Variants in ABTB3 observed in about 807,000 individuals in gnomAD.
ABTB3 encodes ankyrin repeat- and BTB/POZ domain-containing protein 3.
chr12:107,502,672 G>A, the ABTB3 span, among the ~76,000 whole-genome samples: 8 of 152,122 alleles, frequency 5.3e-5, no homozygotes, highest in Non-Finnish European at 7.4e-5. Flanking sequence ...AGCAGCGGGC[G>A]AGCGAGCATT....
chr12:107,562,791 A>C, the ABTB3 span, among the ~76,000 whole-genome samples: 1 of 152,330 alleles, frequency 6.6e-6, no homozygotes, highest in African/African-American at 2.4e-5. Flanking sequence ...TAGGAACAGT[A>C]CCATTTAGCA....
At chr12:107,641,877 A>T in the ABTB3 span, among the ~76,000 whole-genome samples, 1 of 152,236 alleles carries the variant, frequency 6.6e-6, no homozygotes, top group Non-Finnish European at 1.5e-5. Context: ...AATTGTTGAA[A>T]ACACTGTTTT....
chr12:107,419,060 T>C, the ABTB3 span, among the ~76,000 whole-genome samples: 3,869 of 152,318 alleles, frequency 0.025, 130 homozygotes, highest in African/African-American at 0.081. Flanking sequence ...TGCTTGCTCT[T>C]GGAGACAGAC....
the ABTB3 span, among the ~76,000 whole-genome samples, chr12:107,608,069 G>A: frequency 5.8e-4 from 89 of 152,308 alleles, 1 homozygote; most frequent in African/African-American, 1.9e-3. Context: ...CAGCAAGCAG[G>A]GGGAGTGTGA....
chr12:107,610,450 G>A, the ABTB3 span: 4 of 1,436,678 alleles, frequency 2.8e-6, no homozygotes, highest in South Asian at 3.8e-5. Flanking sequence ...CTCTGCAGGC[G>A]CTGGGCAGAG....
At chr12:107,431,308 G>A in the ABTB3 span, among the ~76,000 whole-genome samples, 2 of 152,150 alleles carry the variant, frequency 1.3e-5, no homozygotes, top group Non-Finnish European at 2.9e-5. Context: ...TACATAGTAG[G>A]TACTTTAAAA....
At chr12:107,516,600 C>T in the ABTB3 span, among the ~76,000 whole-genome samples, 1 of 152,318 alleles carries the variant, frequency 6.6e-6, no homozygotes, top group Admixed American at 6.5e-5. Flanking sequence ...CCCGTTGTCT[C>T]ACCCTCTGTT....
chr12:107,631,311 G>A, the ABTB3 span, among the ~76,000 whole-genome samples: 3 of 152,196 alleles, frequency 2.0e-5, no homozygotes, highest in Admixed American at 6.5e-5. Flanking sequence ...ATAGTAGTCC[G>A]TGGTGTATAT....
chr12:107,354,627 T>A, the ABTB3 span, among the ~76,000 whole-genome samples: 1 of 152,214 alleles, frequency 6.6e-6, no homozygotes, highest in East Asian at 1.9e-4. Flanking sequence ...GGATGTACCA[T>A]GTTTTGTTTA....
At chr12:107,421,289 A>C in the ABTB3 span, among the ~76,000 whole-genome samples, 1 of 152,178 alleles carries the variant, frequency 6.6e-6, no homozygotes, top group African/African-American at 2.4e-5. Flanking sequence ...GTAAAGAAAA[A>C]GGAGAGATCT....
chr12:107,452,083 T>C, the ABTB3 span, among the ~76,000 whole-genome samples: 1 of 152,206 alleles, frequency 6.6e-6, no homozygotes, highest in Non-Finnish European at 1.5e-5. Context: ...GCTTGTTCAT[T>C]CATTCATTCG....
chr12:107,501,343 G>A, the ABTB3 span, among the ~76,000 whole-genome samples: 2 of 151,800 alleles, frequency 1.3e-5, no homozygotes, highest in Non-Finnish European at 2.9e-5. Flanking sequence ...GGAGGAAGTG[G>A]CATTCAAGTT....
At chr12:107,564,357 C>T in the ABTB3 span, among the ~76,000 whole-genome samples, 1 of 152,166 alleles carries the variant, frequency 6.6e-6, no homozygotes, top group Non-Finnish European at 1.5e-5. Context: ...GGAGCTACCA[C>T]CAGTACTACT....
the ABTB3 span, among the ~76,000 whole-genome samples, chr12:107,413,198 C>G: frequency 2.6e-5 from 4 of 151,748 alleles, no homozygotes; most frequent in Non-Finnish European, 5.9e-5. Flanking sequence ...GGCGTGAACC[C>G]GGGAGGCGGA....
At chr12:107,421,497 A>G in the ABTB3 span, among the ~76,000 whole-genome samples, 4 of 152,250 alleles carry the variant, frequency 2.6e-5, no homozygotes, top group African/African-American at 9.6e-5. Context: ...AATTTAAGGC[A>G]AAGAGAAAAA....
At chr12:107,325,991 C>T in the ABTB3 span, among the ~76,000 whole-genome samples, 1 of 152,188 alleles carries the variant, frequency 6.6e-6, no homozygotes, top group Non-Finnish European at 1.5e-5. Flanking sequence ...CTGCAACCTC[C>T]ACCTCCCAGG....
the ABTB3 span, among the ~76,000 whole-genome samples, chr12:107,458,067 G>A: frequency 1.3e-5 from 2 of 152,206 alleles, no homozygotes. Flanking sequence ...TGAGTACCCA[G>A]TAAATGTTCA....
the ABTB3 span, among the ~76,000 whole-genome samples, chr12:107,492,783 T>C: frequency 7.9e-5 from 12 of 152,052 alleles, 1 homozygote; most frequent in Admixed American, 5.2e-4. Flanking sequence ...AAAGCCAGCA[T>C]GTTTAGGGGA....
the ABTB3 span, among the ~76,000 whole-genome samples, chr12:107,499,788 C>G: frequency 6.6e-6 from 1 of 151,642 alleles, no homozygotes; most frequent in South Asian, 2.1e-4. Context: ...CAGGTTCAAG[C>G]GATTCTCCTG....
Sources: gnomAD v4.1 joint callset for allele counts (sites outside exome capture counted in the v4.1 genomes callset) on GRCh38, gnomAD v4.1.1 for gene constraint, MANE v1.5 for transcripts, NCBI Gene and HGNC (gene_info 2026-07-23, HGNC 2026-07-21) for gene names.